Variants in THRB observed in about 807,000 individuals in gnomAD.
THRB encodes the protein nuclear receptor subfamily 1 group A member 2.
A neutral mutation model predicts 47.8 loss-of-function variants in THRB; 12 were observed. The ratio of observed to expected loss-of-function variants is 0.25; its 90% CI spans 0.16 to 0.41. THRB has a LOEUF of 0.41. Ranked by LOEUF, THRB falls within the 10% of genes least tolerant of loss-of-function variation. The pLI is 1.00. For missense variants in THRB, 348 were observed against 589.2 expected (o/e 0.59, Z 4.24); for synonymous variants, 218 against 212.2 (o/e 1.03, Z -0.24).
chr3:24,287,235 T>C (rs1459614605), intron 3 of THRB, among the ~76,000 whole-genome samples: 1 of 152,096 alleles, frequency 6.6e-6, no homozygotes, highest in East Asian at 1.9e-4. Context: ...TTACCCACTC[T>C]CCTTTAAGCA....
At chr3:24,190,821 G>C (rs536129677) in intron 4 of THRB, among the ~76,000 whole-genome samples, 2 of 150,622 alleles carry the variant, frequency 1.3e-5, no homozygotes, top group African/African-American at 4.9e-5. Flanking sequence ...ACGTGCTCAC[G>C]TGGCCACACC....
intron 1 of THRB, among the ~76,000 whole-genome samples, chr3:24,338,280 C>A (rs770367325): frequency 3.9e-5 from 6 of 152,134 alleles, no homozygotes; most frequent in Non-Finnish European, 7.3e-5. Flanking sequence ...TCCTTGACAA[C>A]CCCACACCAA....
chr3:24,485,778 C>T (rs1387819606), intron 1 of THRB, among the ~76,000 whole-genome samples: 1 of 152,180 alleles, frequency 6.6e-6, no homozygotes, highest in Non-Finnish European at 1.5e-5. Context: ...CCCTCCCACC[C>T]CTATGGGTTC....
At chr3:24,313,239 A>T (rs146423394) in intron 2 of THRB, among the ~76,000 whole-genome samples, 317 of 152,146 alleles carry the variant, frequency 2.1e-3, no homozygotes, top group African/African-American at 7.3e-3. Context: ...TTTCCTCTCA[A>T]CCACTCGGGA....
chr3:24,439,459 C>T lies in THRB; in HGVS notation c.-261+55193G>A, dbSNP rs73150381. Reference sequence around the variant, plus strand: ...CTGTCTGGGATCTGTTGTATTATCCCCTACTTTACAAAACCATATCCATAT... The same window carrying T: ...CTGTCTGGGATCTGTTGTATTATCCTCTACTTTACAAAACCATATCCATAT... On this transcript the variant is annotated intron_variant, in intron 1 of 10. Coordinates refer to ENST00000646209, the MANE Select transcript of THRB (RefSeq NM_001354712.2). Among the ~76,000 whole-genome samples, 576 of 152,248 alleles carry T rather than the reference C, an allele frequency of 3.8e-3. 2 individuals carry two copies. The highest frequency in any genetic ancestry group is 0.013 in the African/African-American group (543 of 41,538).
Position 24,302,042 on chromosome 3 carries a change from C to A in THRB, c.-188-4671G>T, listed in dbSNP as rs183681912. Reference sequence around the variant, plus strand: ...GACTTCTTCCCTACAGACTGCAAGGCCCTAACTTGGTGTTGGCTAAGCCGC... The same window carrying A: ...GACTTCTTCCCTACAGACTGCAAGGACCTAACTTGGTGTTGGCTAAGCCGC... On this transcript the variant is annotated intron_variant, in intron 2 of 10. Transcript: ENST00000646209. 1.3e-3 allele frequency among the ~76,000 whole-genome samples: 198 copies of A among 152,304 alleles called. 1 individual carries two copies. Among genetic ancestry groups the A allele is most frequent in the Non-Finnish European group, 1.2e-3 (79 of 68,030 alleles).
In THRB at chr3:24,132,962, G is replaced by A. The variant is rs963683769; in HGVS notation, c.885+354C>T. Among the ~76,000 whole-genome samples the A allele has an allele frequency of 2.6e-5, 4 of 152,176 alleles. No homozygotes were observed. In the East Asian group the frequency reaches 5.8e-4, roughly 22 times the overall value. ...GTTAATACAAGCAACCCTGCAAATC[G>A]GTTAGAAGGATTAGATTGAATGTGG... On this transcript the variant is annotated intron_variant, in intron 9 of 10. Transcript: ENST00000646209.
At chr3:24,399,027 A>C (rs1014678875) in intron 1 of THRB, among the ~76,000 whole-genome samples, 11 of 151,410 alleles carry the variant, frequency 7.3e-5, no homozygotes, top group African/African-American at 1.2e-4. Flanking sequence ...GAATTGAACA[A>C]TGAGAACACT....
At chr3:24,418,779 T>C (rs2068975924) in intron 1 of THRB, among the ~76,000 whole-genome samples, 1 of 151,982 alleles carries the variant, frequency 6.6e-6, no homozygotes, top group Non-Finnish European at 1.5e-5. Context: ...TAAATGTTTT[T>C]CATGTACATA....
chr3:24,124,812 A>G (rs1246990617), intron 10 of THRB, among the ~76,000 whole-genome samples: 1 of 152,262 alleles, frequency 6.6e-6, no homozygotes, highest in Non-Finnish European at 1.5e-5. Flanking sequence ...GCCCCATGAT[A>G]GAACTGGAGA....
chr3:24,269,802 G>C (rs2053137159), intron 3 of THRB, among the ~76,000 whole-genome samples: 1 of 152,046 alleles, frequency 6.6e-6, no homozygotes, highest in Non-Finnish European at 1.5e-5. Context: ...TATTCACCTT[G>C]ACAAGTATTT....
intron 9 of THRB, among the ~76,000 whole-genome samples, chr3:24,130,669 C>T (rs1448822319): frequency 6.6e-6 from 1 of 152,176 alleles, no homozygotes; most frequent in East Asian, 1.9e-4. Context: ...TGAGGGGAAA[C>T]AAGCCCTTCG....
In THRB at chr3:24,146,755, C is replaced by T. The variant is rs1281137762; in HGVS notation, c.452G>A (p.Cys151Tyr). The T allele has an allele frequency of 6.2e-7, 1 of 1,613,940 alleles. No homozygotes were observed. The highest frequency in any genetic ancestry group is 8.5e-7 in the Non-Finnish European group (1 of 1,179,782). ...ATTTCGCGTGACTTTGTCTATGACA[C>T]ATTTTCCTTCATATTTACAGGAATA... The part of the protein sequence containing the change: ...PSYSCKYEGK[C>Y]VIDKVTRNQC... The change falls in exon 7 of 11, where the codon TGT becomes TAT. Residue 151 changes from cysteine to tyrosine, a missense_variant. Coordinates refer to ENST00000646209, the MANE Select transcript of THRB (RefSeq NM_001354712.2).
rs201866308 is a variant in THRB, at chr3:24,189,789, G to GCC, written c.283+283_283+284dup. Among the ~76,000 whole-genome samples the GCC allele has an allele frequency of 1.9e-4, 29 of 152,262 alleles. No homozygotes were observed. In the East Asian group the frequency reaches 5.6e-3, roughly 29 times the overall value. ...ACTCAGACCCAAAAATGGAATTAAA[G>GCC]CCAAAACTTACAACCCCTCTACTAA... On this transcript the variant is annotated intron_variant, in intron 5 of 10. Coordinates refer to ENST00000646209, the MANE Select transcript of THRB (RefSeq NM_001354712.2).
intron 1 of THRB, among the ~76,000 whole-genome samples, chr3:24,492,191 C>T (rs1698249750): frequency 6.6e-6 from 1 of 152,202 alleles, no homozygotes; most frequent in Non-Finnish European, 1.5e-5. Context: ...CCAGCACCTA[C>T]TGTGTGCCAA....
At chr3:24,227,577 C>A (rs1414915385) in intron 4 of THRB, among the ~76,000 whole-genome samples, 1 of 152,122 alleles carries the variant, frequency 6.6e-6, no homozygotes, top group Non-Finnish European at 1.5e-5. Flanking sequence ...ATATCAGGAG[C>A]TCCAGTACGG....
At chr3:24,270,164 C>T (rs73148328) in intron 3 of THRB, among the ~76,000 whole-genome samples, 5,260 of 152,246 alleles carry the variant, frequency 0.035, 286 homozygotes, top group African/African-American at 0.11. Context: ...GGCAGTATTG[C>T]ATCTTTCTTT....
chr3:24,258,123 G>A (rs1422207030), intron 3 of THRB, among the ~76,000 whole-genome samples: 1 of 152,176 alleles, frequency 6.6e-6, no homozygotes, highest in African/African-American at 2.4e-5. Context: ...GGAGAATGAG[G>A]TGAAAGGAAG....
At chr3:24,366,621 CTTTTT>C (rs11389687) in intron 1 of THRB, among the ~76,000 whole-genome samples, 1 of 125,846 alleles carries the variant, frequency 7.9e-6, no homozygotes, top group Non-Finnish European at 1.6e-5. Flanking sequence ...CAGCCTCTCA[CTTTTT>C]TTTTTTTTTT....
Sources: allele counts gnomAD v4.1 joint callset (sites outside exome capture counted in the v4.1 genomes callset), GRCh38; gene constraint gnomAD v4.1.1; transcripts MANE v1.5; gene names NCBI Gene and HGNC (gene_info 2026-07-23, HGNC 2026-07-21).